Variants in DCHS1 observed in about 807,000 individuals in gnomAD.
DCHS1 encodes protocadherin-16.
A neutral mutation model predicts 213.9 loss-of-function variants in DCHS1; 78 were observed. The ratio of observed to expected loss-of-function variants is 0.36; its 90% confidence interval spans 0.30 to 0.44. The LOEUF (loss-of-function observed/expected upper bound fraction) is 0.44, where lower values mean the gene tolerates loss of function less well. Among genes scored for constraint, DCHS1 ranks in the 20% least tolerant of loss-of-function variants. DCHS1 has a pLI of 1.00. For missense variants in DCHS1, 3,946 were observed against 4,395.9 expected, an observed-to-expected ratio of 0.90 and a Z score of 2.89; for synonymous variants, 1,828 against 1,873.7, an observed-to-expected ratio of 0.98 and a Z score of 0.63.
chr11:6,631,410 G>A lies in DCHS1; in HGVS notation c.3676-3C>T. 2 of 1,613,908 alleles carry A rather than the reference G, an allele frequency of 1.2e-6. No individual in the cohort carries two copies. The highest frequency in any genetic ancestry group is 1.7e-6 in the Non-Finnish European group (2 of 1,179,828). ...CCCGGAGGCACGCGGTCTGGTACCT[G>A]TGGGAACACAACTCACCTAGTGAGT... On this transcript the variant is annotated splice_polypyrimidine_tract_variant and splice_region_variant and intron_variant, in intron 7 of 20. Transcript: ENST00000299441.
At chr11:6,638,142 T>C (rs1044095521) in intron 2 of DCHS1, among the ~76,000 whole-genome samples, 2 of 152,098 alleles carry the variant, frequency 1.3e-5, no homozygotes, top group African/African-American at 4.8e-5. Flanking sequence ...CGAGCAAATA[T>C]GCAGAGTCTG....
rs2659875 is a variant in DCHS1, at chr11:6,625,269, G to A, written c.7075C>T (p.Arg2359Cys). The change falls in exon 19 of 21, where the codon CGT becomes TGT. Residue 2359 changes from arginine (R) to cysteine (C), a missense_variant. Arg to Cys is a radical substitution (Grantham distance 180). Coordinates refer to ENST00000299441, the MANE Select transcript of DCHS1 (RefSeq NM_003737.4). This position sits in a 1 kb window ranked among gnomAD's most constrained non-coding sequence, Gnocchi z 5.3. ...TCCACAAGCACTGTGAGGTTGGCAC[G>A]GCCCTCATGAGGCCCATCATGTGCC... is the stretch of plus-strand genomic sequence containing the variant. Reference protein sequence around the residue: ...LLAHDGPHEGRANLTVLVEDV... With the variant: ...LLAHDGPHEGCANLTVLVEDV... 3,865 of 1,613,492 alleles carry A rather than the reference G, an allele frequency of 2.4e-3. 73 individuals carry two copies. The African/African-American group carries it at 0.043, about 18-fold the overall frequency.
At chr11:6,634,500 A>G (rs528611861) in intron 2 of DCHS1, among the ~76,000 whole-genome samples, 194 bp from the exon 3 acceptor site, 4 of 152,324 alleles carry the variant, frequency 2.6e-5, no homozygotes, top group South Asian at 2.1e-4. Flanking sequence ...GCCTCTAGCC[A>G]TAACATTTTT....
Position 6,626,361 on chromosome 11 carries a change from T to C in DCHS1, c.6384A>G (p.Ser2128=). The C allele has an allele frequency of 6.2e-7, 1 of 1,613,490 alleles. No homozygotes were observed. The highest frequency in any genetic ancestry group is 8.5e-7 in the Non-Finnish European group (1 of 1,179,672). ...TCACCTCGAAGTCTAGCCCCTCTGCTGAGCGAACTGTGATGGCACCTGGGC... is the reference window on the plus strand; with the variant it reads ...TCACCTCGAAGTCTAGCCCCTCTGCCGAGCGAACTGTGATGGCACCTGGGC... ...QPSTGAITVR[S]AEGLDFEVSP... is the part of the protein sequence containing the mutation. Residue 2128 remains serine (S), a synonymous_variant, in exon 16 of 21, where the codon TCA becomes TCG. Coordinates refer to ENST00000299441, the MANE Select transcript of DCHS1 (RefSeq NM_003737.4). The surrounding 1 kb of genome is among the most constrained non-coding windows in gnomAD (Gnocchi z 5.2).
In DCHS1 at chr11:6,622,415, G is replaced by T. The variant is rs1459381746; in HGVS notation, c.9261C>A (p.Asp3087Glu). Reference protein sequence around the residue: ...SDTSCEPPAPDTWYKGRKAGL... With the variant: ...SDTSCEPPAPETWYKGRKAGL... ...CTGCCTTTCGGCCCTTATACCAGGT[G>T]TCAGGGGCAGGTGGTTCGCAGGATG... The change falls in exon 21 of 21, where the codon GAC (aspartate) becomes GAA (glutamate). Residue 3087 changes from aspartate (D) to glutamate (E), a missense_variant. Physicochemically the swap from Asp to Glu is conservative, Grantham distance 45 (BLOSUM62 2). Coordinates refer to ENST00000299441, the MANE Select transcript of DCHS1 (RefSeq NM_003737.4). The surrounding 1 kb of genome is among the most constrained non-coding windows in gnomAD (Gnocchi z 5.4). 6.4e-7 allele frequency: 1 copy of T among 1,555,976 alleles called. No individual in the cohort carries two copies.
Position 6,623,339 on chromosome 11 carries a change from T to A in DCHS1, c.8337A>T (p.Glu2779Asp). 6.3e-7 allele frequency: 1 copy of A among 1,595,960 alleles called. No individual in the cohort carries two copies. Among genetic ancestry groups the A allele is most frequent in the Non-Finnish European group, 8.5e-7 (1 of 1,171,180 alleles). Reference protein sequence around the residue: ...ARVPFDYEHTESFRLLVGAAD... With the variant: ...ARVPFDYEHTDSFRLLVGAAD... ...CAGCACCCACCAGCAGCCGGAAGCT[T>A]TCTGTGTGCTCATAGTCAAAGGGCA... is the stretch of plus-strand genomic sequence containing the variant. Residue 2779 changes from glutamate to aspartate, a missense_variant, in exon 21 of 21, where the codon GAA becomes GAT. Transcript: ENST00000299441.
intron 1 of DCHS1, among the ~76,000 whole-genome samples, chr11:6,649,279 C>T (rs561480354): frequency 1.3e-5 from 2 of 151,278 alleles, no homozygotes; most frequent in Admixed American, 6.6e-5. Context: ...CTGGAGGGCT[C>T]GGGATGCTCT....
rs376647872 is a variant in DCHS1, at chr11:6,643,998, G to A, written c.-120-2265C>T. 5.9e-5 allele frequency among the ~76,000 whole-genome samples: 9 copies of A among 152,130 alleles called. No homozygotes were observed. The East Asian group carries it at 1.5e-3, about 26-fold the overall frequency. On this transcript the variant is annotated intron_variant, in intron 1 of 20. Coordinates refer to ENST00000299441, the MANE Select transcript of DCHS1 (RefSeq NM_003737.4). ...ACTAGACATGTCTCAGGTCTTTCTTGTTTCTCCAAATTGCCACATCCCAGT... is the reference window on the plus strand; with the variant it reads ...ACTAGACATGTCTCAGGTCTTTCTTATTTCTCCAAATTGCCACATCCCAGT...
In DCHS1 at chr11:6,626,213, C is replaced by A; in HGVS notation, c.6532G>T (p.Ala2178Ser). 1 of 1,611,424 alleles carries A rather than the reference C, an allele frequency of 6.2e-7. No individual in the cohort carries two copies. Among genetic ancestry groups the A allele is most frequent in the South Asian group, 1.1e-5 (1 of 90,528 alleles). Residue 2178 changes from alanine to serine, a missense_variant, in exon 16 of 21, where the codon GCC becomes TCC. Coordinates refer to ENST00000299441, the MANE Select transcript of DCHS1 (RefSeq NM_003737.4). This position sits in a 1 kb window ranked among gnomAD's most constrained non-coding sequence, Gnocchi z 5.2. The stretch of plus-strand genomic sequence containing the variant: ...AAGGGCCGGGACTCAGGAAGGAAGG[C>A]CACATAATGGGGCCGCAGGAAACGG... ...APRFLRPHYV[A>S]FLPESRPLEG... is the part of the protein sequence containing the mutation.
intron 1 of DCHS1, among the ~76,000 whole-genome samples, chr11:6,651,642 T>C (rs1589964827): frequency 6.6e-6 from 1 of 152,060 alleles, no homozygotes; most frequent in South Asian, 2.1e-4. Context: ...CAAAAATTCA[T>C]GTGAAAAGAT....
Position 6,622,586 on chromosome 11 carries a change from T to A in DCHS1, c.9090A>T (p.Ser3030=). The A allele has an allele frequency of 6.3e-7, 1 of 1,581,086 alleles. No homozygotes were observed. Among genetic ancestry groups the A allele is most frequent in the Non-Finnish European group, 8.6e-7 (1 of 1,164,218 alleles). The change falls in exon 21 of 21, where the codon TCA becomes TCT. Residue 3030 remains serine, a synonymous_variant. Coordinates refer to ENST00000299441, the MANE Select transcript of DCHS1 (RefSeq NM_003737.4). The surrounding 1 kb of genome is among the most constrained non-coding windows in gnomAD (Gnocchi z 5.4). ...PRGGSLDPSH[S]SGRGSAEAAE... is the part of the protein sequence containing the mutation. ...CAGCCTCTGCTGATCCTCGGCCACT[T>A]GAATGTGAAGGGTCCAAGGAGCCAC...
Position 6,622,936 on chromosome 11 carries a change from C to A in DCHS1, c.8740G>T (p.Ala2914Ser). 6.3e-7 allele frequency: 1 copy of A among 1,586,990 alleles called. No individual in the cohort carries two copies. Residue 2914 changes from alanine to serine, a missense_variant, in exon 21 of 21, where the codon GCC becomes TCC. Transcript: ENST00000299441. This position sits in a 1 kb window ranked among gnomAD's most constrained non-coding sequence, Gnocchi z 5.4. ...ATATCCACGGTCACAGGCACTGTGG[C>A]ACTCCGGGAACCAGGCAGAGGCCCC... ...ARGPLPGSRS[A>S]TVPVTVDITH... is the part of the protein sequence containing the mutation.
chr11:6,628,620 C>T lies in DCHS1; in HGVS notation c.5371+1G>A. The T allele has an allele frequency of 6.2e-7, 1 of 1,613,900 alleles. No individual in the cohort carries two copies. Among genetic ancestry groups the T allele is most frequent in the Non-Finnish European group, 8.5e-7 (1 of 1,179,884 alleles). On this transcript the variant is annotated splice_donor_variant, in intron 13 of 20. Coordinates refer to ENST00000299441, the MANE Select transcript of DCHS1 (RefSeq NM_003737.4). LOFTEE classifies it high-confidence loss of function. This position sits in a 1 kb window ranked among gnomAD's most constrained non-coding sequence, Gnocchi z 4.3. ...TTAAGTGGGAGTGGGAAGGTTCTCA[C>T]CTAGGATGCGGTACTGCAACTGCCC...
intron 2 of DCHS1, among the ~76,000 whole-genome samples, chr11:6,637,828 G>A (rs72911035): frequency 0.012 from 1,843 of 152,154 alleles, 19 homozygotes; most frequent in Non-Finnish European, 0.019. Context: ...GGGGAGTGAC[G>A]CATTCATGAC....
chr11:6,651,946 G>A (rs1352113101), intron 1 of DCHS1, among the ~76,000 whole-genome samples: 2 of 152,020 alleles, frequency 1.3e-5, no homozygotes, highest in East Asian at 3.9e-4. Context: ...GAAGAGAGAT[G>A]TCTGTGAGTC....
In DCHS1 at chr11:6,640,986, T is replaced by C. The variant is rs749130125; in HGVS notation, c.628A>G (p.Thr210Ala). ...DGTPVPELVV[T>A]GELDRENRSH... is the part of the protein sequence containing the mutation. ...CGGTTCTCTCGGTCCAGTTCCCCAG[T>C]AACTACCAGCTCAGGTACTGGAGTC... is the stretch of plus-strand genomic sequence containing the variant. The change falls in exon 2 of 21, where the codon ACT (threonine) becomes GCT (alanine). Residue 210 changes from threonine (T) to alanine (A), a missense_variant. Transcript: ENST00000299441. The surrounding 1 kb of genome is among the most constrained non-coding windows in gnomAD (Gnocchi z 6.5). 6.2e-6 allele frequency: 10 copies of C among 1,613,994 alleles called. No homozygotes were observed. The highest frequency in any genetic ancestry group is 7.6e-6 in the Non-Finnish European group (9 of 1,179,880).
Position 6,640,557 on chromosome 11 carries a change from G to A in DCHS1, c.1057C>T (p.Arg353Ter), listed in dbSNP as rs377370553. The A allele has an allele frequency of 6.2e-7, 1 of 1,609,200 alleles. No homozygotes were observed. The highest frequency in any genetic ancestry group is 8.5e-7 in the Non-Finnish European group (1 of 1,179,850). Reference sequence around the variant, plus strand: ...GAGGGCTGATTGTCATTGGCATCTCGCACATGCACAGTCACAAAGGCCGAG... The same window carrying A: ...GAGGGCTGATTGTCATTGGCATCTCACACATGCACAGTCACAAAGGCCGAG... Reference protein sequence around the residue: ...LGSAFVTVHVRDANDNQPSMT... With the variant: ...LGSAFVTVHV Residue 353 changes from arginine (R) to a stop codon, truncating the protein, a stop_gained, in exon 2 of 21, where the codon CGA (arginine) becomes TGA (stop). Transcript: ENST00000299441. LOFTEE classifies it high-confidence loss of function. The surrounding 1 kb of genome is among the most constrained non-coding windows in gnomAD (Gnocchi z 6.5).
intron 2 of DCHS1, among the ~76,000 whole-genome samples, chr11:6,636,932 A>G (rs2659867): frequency 6.6e-6 from 1 of 151,910 alleles, no homozygotes; most frequent in Non-Finnish European, 1.5e-5. Context: ...CCTAAATCCG[A>G]CCAGCCCAAA....
In DCHS1 at chr11:6,644,818, G is replaced by A. The variant is rs570044772; in HGVS notation, c.-120-3085C>T. On this transcript the variant is annotated intron_variant, in intron 1 of 20. Coordinates refer to ENST00000299441, the MANE Select transcript of DCHS1 (RefSeq NM_003737.4). ...CAAACACATGTGAGCCCAGGACCCT[G>A]AGGCCCCTCGGTCAGTCCTGTGACT... Among the ~76,000 whole-genome samples, 7 of 152,350 alleles carry A rather than the reference G, an allele frequency of 4.6e-5. No individual in the cohort carries two copies. In the South Asian group the frequency reaches 1.2e-3, roughly 27 times the overall value.
Sources: gnomAD v4.1 joint callset for allele counts (sites outside exome capture counted in the v4.1 genomes callset) on GRCh38, gnomAD v4.1.1 for gene constraint, Gnocchi (gnomAD v3.1) non-coding constraint, MANE v1.5 for transcripts, NCBI Gene and HGNC (gene_info 2026-07-23, HGNC 2026-07-21) for gene names.